The following PRKD1 variants were observed in gnomAD, a reference collection of about 807,000 sequenced individuals.
PRKD1 encodes protein kinase D1, also known as serine/threonine-protein kinase D1.
PRKD1 carries 63 observed loss-of-function variants against 95.9 expected under a neutral mutation model. The ratio of observed to expected loss-of-function variants is 0.66; its 90% CI spans 0.54 to 0.81. PRKD1 has a LOEUF of 0.81. Among genes scored for constraint, PRKD1 ranks in the 30% least tolerant of loss-of-function variants. The probability of loss-of-function intolerance (pLI) is 0.00; values close to 1 mark genes in which losing one functional copy is unlikely to be tolerated. For synonymous variants in PRKD1, 425 were observed against 423.1 expected (o/e 1.00, Z -0.05); for missense variants, 1,048 against 1,165.3 (o/e 0.90, Z 1.47).
chr14:29,871,234 C>T (rs918040807), intron 1 of PRKD1, among the ~76,000 whole-genome samples: 1 of 152,118 alleles, frequency 6.6e-6, no homozygotes, highest in African/African-American at 2.4e-5. Context: ...GGAATACTCT[C>T]CACGGAAAGT....
intron 1 of PRKD1, among the ~76,000 whole-genome samples, chr14:29,878,866 A>C (rs1273572763): frequency 6.6e-6 from 1 of 152,160 alleles, no homozygotes; most frequent in Non-Finnish European, 1.5e-5. Context: ...AATATTACTA[A>C]ATTGTACACT....
intron 1 of PRKD1, among the ~76,000 whole-genome samples, chr14:29,868,444 C>G (rs914826894): frequency 6.6e-6 from 1 of 152,168 alleles, no homozygotes; most frequent in African/African-American, 2.4e-5. Context: ...AACCTATACA[C>G]TGATTTCAAG....
chr14:29,631,570 G>A (rs895858385), intron 9 of PRKD1, among the ~76,000 whole-genome samples: 1 of 151,384 alleles, frequency 6.6e-6, no homozygotes, highest in Non-Finnish European at 1.5e-5. Context: ...CGTGATCTCG[G>A]CTCACTGCAA....
chr14:29,580,490 T>C (rs1892720000), intron 16 of PRKD1, among the ~76,000 whole-genome samples: 1 of 152,106 alleles, frequency 6.6e-6, no homozygotes, highest in African/African-American at 2.4e-5. Context: ...ACATACATTT[T>C]GTGGCTTTTG....
At chr14:29,899,734 A>G (rs181206252) in intron 1 of PRKD1, among the ~76,000 whole-genome samples, 2 of 152,332 alleles carry the variant, frequency 1.3e-5, no homozygotes, top group East Asian at 3.9e-4. Flanking sequence ...TTATTAATGA[A>G]TGTGTCATCA....
chr14:29,910,648 G>A (rs142890327), intron 1 of PRKD1, among the ~76,000 whole-genome samples: 54 of 152,224 alleles, frequency 3.5e-4, no homozygotes, highest in African/African-American at 1.2e-3. Flanking sequence ...AAGAGCTAAC[G>A]GAATTAAAAA....
intron 1 of PRKD1, among the ~76,000 whole-genome samples, chr14:29,852,916 A>G (rs1046723691): frequency 3.9e-5 from 6 of 152,174 alleles, no homozygotes; most frequent in African/African-American, 7.2e-5. Flanking sequence ...AGTAGATCAA[A>G]CTCTCCAATC....
chr14:29,901,366 GA>G (rs974054998), intron 1 of PRKD1, among the ~76,000 whole-genome samples: 18 of 152,188 alleles, frequency 1.2e-4, no homozygotes, highest in African/African-American at 1.7e-4. Flanking sequence ...AAAAGAGGCT[GA>G]AAAACCACCT....
At chr14:29,636,824 T>C (rs1566503780) in intron 6 of PRKD1, among the ~76,000 whole-genome samples, 1 of 152,144 alleles carries the variant, frequency 6.6e-6, no homozygotes, top group Non-Finnish European at 1.5e-5. Context: ...TATGTGACCA[T>C]GTGTTCTCAT....
Position 29,624,768 on chromosome 14 carries a change from G to A in PRKD1, c.1799-510C>T, listed in dbSNP as rs559856521. On this transcript the variant is annotated intron_variant, in intron 12 of 17. Coordinates refer to ENST00000331968, the MANE Select transcript of PRKD1 (RefSeq NM_002742.3). ...TGAGGAGAAGATTGGATGAAAGGAGGCATGTAAAGTATACAAAATACCCTG... is the reference window on the plus strand; with the variant it reads ...TGAGGAGAAGATTGGATGAAAGGAGACATGTAAAGTATACAAAATACCCTG... Among the ~76,000 whole-genome samples the A allele has an allele frequency of 2.6e-5, 4 of 152,144 alleles. 1 individual carries two copies. The South Asian group carries it at 8.3e-4, about 32-fold the overall frequency.
At chr14:29,716,554 C>G (rs536265089) in intron 2 of PRKD1, among the ~76,000 whole-genome samples, 13 of 152,196 alleles carry the variant, frequency 8.5e-5, no homozygotes, top group Admixed American at 5.2e-4. Flanking sequence ...GGCCAGAGCC[C>G]AAGGCCATCT....
Position 29,577,108 on chromosome 14 carries a change from A to C in PRKD1, c.*130T>G, listed in dbSNP as rs1367708067. 2.2e-6 allele frequency: 2 copies of C among 926,390 alleles called. No homozygotes were observed. Among genetic ancestry groups the C allele is most frequent in the Non-Finnish European group, 3.3e-6 (2 of 611,786 alleles). 57.4% of individuals were successfully genotyped at this position (926,390 alleles called of 1,614,324 possible). ...GTCTTGGCAACTCAGATACATCAAC[A>C]GTGCTAACAGTTTAACAGCTTTGTT... On this transcript the variant is annotated 3_prime_UTR_variant, in exon 18 of 18. Coordinates refer to ENST00000331968, the MANE Select transcript of PRKD1 (RefSeq NM_002742.3).
In PRKD1 at chr14:29,694,657, T is replaced by C. The variant is rs192100592; in HGVS notation, c.404-28449A>G. On this transcript the variant is annotated intron_variant, in intron 2 of 17. Coordinates refer to ENST00000331968, the MANE Select transcript of PRKD1 (RefSeq NM_002742.3). ...GTAGTATGTTAGGTAGTGATAAGTATGAGGAGAAAATATAAAGCAAGAAGT... is the reference window on the plus strand; with the variant it reads ...GTAGTATGTTAGGTAGTGATAAGTACGAGGAGAAAATATAAAGCAAGAAGT... 1.2e-4 allele frequency among the ~76,000 whole-genome samples: 18 copies of C among 152,078 alleles called. No homozygotes were observed. The East Asian group carries it at 3.3e-3, about 28-fold the overall frequency.
At chr14:29,665,840 G>C (rs1330971855) in intron 3 of PRKD1, among the ~76,000 whole-genome samples, 1 of 151,848 alleles carries the variant, frequency 6.6e-6, no homozygotes, top group Non-Finnish European at 1.5e-5. Context: ...ATAGATCTAT[G>C]TATGTATACA....
In PRKD1 at chr14:29,630,885, G is replaced by A. The variant is rs757816454; in HGVS notation, c.1529C>T (p.Pro510Leu). 1.2e-6 allele frequency: 2 copies of A among 1,614,132 alleles called. No homozygotes were observed. Among genetic ancestry groups the A allele is most frequent in the South Asian group, 1.1e-5 (1 of 91,076 alleles). ...ACTGTTATTTGGTGATGGGCTGGAA[G>A]GATTGACCACATTTTCTCCCACATA... ...VYYVGENVVNPSSPSPNNSVL... is the reference protein window; with the variant it reads ...VYYVGENVVNLSSPSPNNSVL... Residue 510 changes from proline to leucine, a missense_variant, in exon 10 of 18, where the codon CCT becomes CTT. Physicochemically the swap from Pro to Leu is moderately conservative, Grantham distance 98. This residue lies in a region of PRKD1 where 739 missense variants were observed against 861.9 expected (regional missense o/e 0.86). Transcript: ENST00000331968.
intron 1 of PRKD1, among the ~76,000 whole-genome samples, chr14:29,917,184 C>T (rs763776550): frequency 2.0e-5 from 3 of 152,130 alleles, no homozygotes; most frequent in Non-Finnish European, 4.4e-5. Context: ...AGAACTGAAT[C>T]CCCAGTCTCT....
chr14:29,778,081 G>T (rs909640323), intron 1 of PRKD1, among the ~76,000 whole-genome samples: 14 of 152,202 alleles, frequency 9.2e-5, no homozygotes, highest in Non-Finnish European at 1.3e-4. Context: ...AAATAAAGTT[G>T]TTCTTTGAAA....
intron 2 of PRKD1, among the ~76,000 whole-genome samples, chr14:29,721,549 T>C (rs1885897252): frequency 6.6e-6 from 1 of 152,136 alleles, no homozygotes; most frequent in East Asian, 1.9e-4. Flanking sequence ...TGTAGTCCTG[T>C]TACTAATTTG....
At chr14:29,677,892 G>A (rs1199991590) in intron 2 of PRKD1, among the ~76,000 whole-genome samples, 2 of 152,156 alleles carry the variant, frequency 1.3e-5, no homozygotes, top group Admixed American at 6.5e-5. Context: ...ACCTTGAATG[G>A]ACTGTGCCTT....
Sources: allele counts gnomAD v4.1 joint callset (sites outside exome capture counted in the v4.1 genomes callset), GRCh38; gene constraint gnomAD v4.1.1; regional missense constraint gnomAD v4.1.1; transcripts MANE v1.5; gene names NCBI Gene and HGNC (gene_info 2026-07-23, HGNC 2026-07-21).